Variants in RALGAPA1 observed in about 807,000 individuals in gnomAD.
RALGAPA1 encodes the protein Ral GTPase activating protein catalytic subunit alpha 1, also known as ral GTPase-activating protein subunit alpha-1.
RALGAPA1 carries 52 observed loss-of-function variants against 269.6 expected under a neutral mutation model. The observed-to-expected ratio is 0.19, with a 90% confidence interval of 0.15 to 0.24. The LOEUF is 0.24. Ranked by LOEUF, RALGAPA1 falls within the 10% of genes least tolerant of loss-of-function variation. The pLI, the probability that RALGAPA1 is intolerant of heterozygous loss-of-function variation, is 1.00. For synonymous variants in RALGAPA1, 817 were observed against 1,008.3 expected, an observed-to-expected ratio of 0.81 and a Z score of 3.60; for missense variants, 1,917 against 3,013.9, an observed-to-expected ratio of 0.64 and a Z score of 8.52.
At chr14:35,784,699 AT>A (rs922622346) in intron 1 of RALGAPA1, among the ~76,000 whole-genome samples, 7 of 151,766 alleles carry the variant, frequency 4.6e-5, no homozygotes, top group East Asian at 3.9e-4. Flanking sequence ...AGAAAGGCAA[AT>A]TTTTTTTTCC....
intron 21 of RALGAPA1, among the ~76,000 whole-genome samples, chr14:35,680,702 C>T (rs913475274): frequency 3.6e-4 from 54 of 151,956 alleles, no homozygotes; most frequent in African/African-American, 1.3e-3. Flanking sequence ...GCAAGCTCTG[C>T]CTCCCGGGTT....
intron 17 of RALGAPA1, among the ~76,000 whole-genome samples, chr14:35,693,229 A>G (rs934326619): frequency 6.6e-6 from 1 of 151,904 alleles, no homozygotes; most frequent in Non-Finnish European, 1.5e-5. Flanking sequence ...AATATAAACA[A>G]AAAAGAATTT....
intron 35 of RALGAPA1, among the ~76,000 whole-genome samples, chr14:35,620,745 A>C (rs2060566889): frequency 6.6e-6 from 1 of 152,232 alleles, no homozygotes; most frequent in South Asian, 2.1e-4. Flanking sequence ...TCAAATCATG[A>C]GTGAACTCCC....
chr14:35,545,158 A>T (rs568880721), intron 41 of RALGAPA1, among the ~76,000 whole-genome samples: 7 of 152,236 alleles, frequency 4.6e-5, no homozygotes, highest in Non-Finnish European at 7.3e-5. Flanking sequence ...ACTATCTTCT[A>T]AGGAGCTAAA....
intron 17 of RALGAPA1, among the ~76,000 whole-genome samples, chr14:35,697,470 T>A (rs752172888): frequency 3.3e-5 from 5 of 151,904 alleles, no homozygotes; most frequent in Non-Finnish European, 5.9e-5. Context: ...CTCAGCCTAC[T>A]GAGCAGCTGG....
intron 22 of RALGAPA1, 177 bp downstream of exon 22, chr14:35,677,773 C>T (rs1419309920): frequency 3.3e-6 from 2 of 603,908 alleles, no homozygotes; most frequent in African/African-American, 3.9e-5. Context: ...AAAACTCAGA[C>T]AACAAATATC....
Position 35,631,188 on chromosome 14 carries a change from G to A in RALGAPA1, c.5996-3237C>T, listed in dbSNP as rs75463370. Among the ~76,000 whole-genome samples the A allele has an allele frequency of 0.023, 3,482 of 152,200 alleles. 337 individuals carry two copies. The East Asian group carries it at 0.32, about 14-fold the overall frequency. On this transcript the variant is annotated intron_variant, in intron 33 of 41. Coordinates refer to ENST00000680220, the MANE Select transcript of RALGAPA1 (RefSeq NM_001346249.2). ...CCTCATTTTGCACATGAGGACAAAT[G>A]GGTTCGCAAAGTTAAGTGATTTGCC...
intron 1 of RALGAPA1, among the ~76,000 whole-genome samples, chr14:35,802,521 G>C (rs922537990): frequency 6.6e-6 from 1 of 152,150 alleles, no homozygotes; most frequent in Non-Finnish European, 1.5e-5. Context: ...ACACTGCTGA[G>C]AGAAATTAAA....
At chr14:35,647,324 G>A (rs1481215126) in intron 31 of RALGAPA1, among the ~76,000 whole-genome samples, 3 of 152,066 alleles carry the variant, frequency 2.0e-5, no homozygotes, top group Non-Finnish European at 2.9e-5. Flanking sequence ...ACAATGAGCC[G>A]TTTGAGAAGT....
intron 35 of RALGAPA1, among the ~76,000 whole-genome samples, chr14:35,623,935 T>C (rs2060814618): frequency 6.6e-6 from 1 of 151,740 alleles, no homozygotes; most frequent in Non-Finnish European, 1.5e-5. Context: ...AAAACAAAAT[T>C]AGCTGGGCGT....
rs765086346 is a variant in RALGAPA1, at chr14:35,742,498, A to G, written c.1319T>C (p.Ile440Thr). ...RKVVKVYQEW[I>T]QQEEKPLFMQ... ...GAACAAAGGTTTTTCCTCTTGTTGG[A>G]TCCATTCTTGATATACTTTTACCAC... Residue 440 changes from isoleucine (I) to threonine (T), a missense_variant, in exon 11 of 42, where the codon ATC becomes ACC. Physicochemically the swap from Ile to Thr is moderately conservative, Grantham distance 89 (BLOSUM62 -1). Around this residue, in one of 11 missense-constraint regions of RALGAPA1, gnomAD observed 462 missense variants for 725.6 expected, o/e 0.64. Transcript: ENST00000680220. 19 of 1,602,834 alleles carry G rather than the reference A, an allele frequency of 1.2e-5. No homozygotes were observed. Among genetic ancestry groups the G allele is most frequent in the Non-Finnish European group, 1.6e-5 (19 of 1,170,350 alleles).
intron 20 of RALGAPA1, among the ~76,000 whole-genome samples, chr14:35,684,707 G>C (rs1200980542): frequency 1.3e-5 from 2 of 152,118 alleles, no homozygotes; most frequent in African/African-American, 4.8e-5. Flanking sequence ...TGTAATCCCA[G>C]CTACTCGGAA....
At chr14:35,792,495 G>A (rs1030511523) in intron 1 of RALGAPA1, among the ~76,000 whole-genome samples, 2 of 151,966 alleles carry the variant, frequency 1.3e-5, no homozygotes, top group African/African-American at 4.8e-5. Flanking sequence ...GATTGCTACA[G>A]GACCTGGCTG....
At chr14:35,601,681 G>C (rs775821891) in intron 36 of RALGAPA1, among the ~76,000 whole-genome samples, 1 of 152,152 alleles carries the variant, frequency 6.6e-6, no homozygotes, top group African/African-American at 2.4e-5. Context: ...CCCAGAAAAT[G>C]CGCCACTATG....
intron 4 of RALGAPA1, among the ~76,000 whole-genome samples, chr14:35,767,913 G>A (rs755677175): frequency 6.6e-6 from 1 of 152,028 alleles, no homozygotes; most frequent in Non-Finnish European, 1.5e-5. Flanking sequence ...GAGCTGGGAC[G>A]ACATGAAGGA....
chr14:35,609,458 A>G (rs2059790573), intron 35 of RALGAPA1, among the ~76,000 whole-genome samples: 1 of 152,198 alleles, frequency 6.6e-6, no homozygotes, highest in Non-Finnish European at 1.5e-5. Flanking sequence ...AATGAAAATA[A>G]AAAATGAAAA....
intron 26 of RALGAPA1, among the ~76,000 whole-genome samples, chr14:35,668,341 G>C (rs1200951182): frequency 6.6e-6 from 1 of 152,100 alleles, no homozygotes; most frequent in Non-Finnish European, 1.5e-5. Flanking sequence ...AAATTAGCCT[G>C]GCATGATGGC....
At chr14:35,636,754 C>T (rs190653194) in intron 31 of RALGAPA1, among the ~76,000 whole-genome samples, 134 of 152,274 alleles carry the variant, frequency 8.8e-4, no homozygotes, top group East Asian at 5.8e-4. Flanking sequence ...CTCCTAGCCT[C>T]AAGTGATCTG....
At chr14:35,570,410 A>G (rs2057086133) in intron 39 of RALGAPA1, among the ~76,000 whole-genome samples, 2 of 152,154 alleles carry the variant, frequency 1.3e-5, no homozygotes, top group Non-Finnish European at 2.9e-5. Context: ...TAATCTCAGC[A>G]CTTTAGGAGG....
Sources: allele counts gnomAD v4.1 joint callset (sites outside exome capture counted in the v4.1 genomes callset), GRCh38; gene constraint gnomAD v4.1.1; regional missense constraint gnomAD v4.1.1; transcripts MANE v1.5; gene names NCBI Gene and HGNC (gene_info 2026-07-23, HGNC 2026-07-21).